The following TIFA variants were observed in gnomAD, a reference collection of about 807,000 sequenced individuals.
TIFA encodes TRAF-interacting protein with FHA domain-containing protein A.
For synonymous variants in TIFA, 75 were observed against 79.2 expected, an observed-to-expected ratio of 0.95 and a Z score of 0.28; for missense variants, 186 against 215.2, an observed-to-expected ratio of 0.86 and a Z score of 0.85.
chr4:112,277,694 T>TAAA lies in TIFA; in HGVS notation c.*167_*168insTTT. Reference sequence around the variant, plus strand: ...ATCCAGAATACAACAGGTGACTAAGTTAATGACTAACACAATTTACAGACT... The same window carrying TAAA: ...ATCCAGAATACAACAGGTGACTAAGTAAATAATGACTAACACAATTTACAGACT... On this transcript the variant is annotated 3_prime_UTR_variant, in exon 2 of 2. Coordinates refer to ENST00000361717, the MANE Select transcript of TIFA (RefSeq NM_052864.3). 1.9e-5 allele frequency: 9 copies of TAAA among 482,998 alleles called. No homozygotes were observed. Among genetic ancestry groups the TAAA allele is most frequent in the South Asian group, 1.7e-4 (3 of 18,000 alleles). The allele number at this position is 482,998 out of a possible 1,614,324, so 29.9% of individuals were successfully genotyped here.
At position 112,275,805 on chromosome 4, in the gene TIFA, T is replaced by C. The variant is rs560639031; in HGVS notation, c.*2057A>G. ...ATTAAATTTATAACTTAGAAACACA[T>C]TCATCAGCCTCAAAGACAAGAAACA... On this transcript the variant is annotated 3_prime_UTR_variant, in exon 2 of 2. Transcript: ENST00000361717. 1 of 152,258 alleles carries C rather than the reference T, an allele frequency of 6.6e-6. No individual in the cohort carries two copies. Among genetic ancestry groups the C allele is most frequent in the African/African-American group, 2.4e-5 (1 of 41,560 alleles). 9.4% of individuals were successfully genotyped at this position (152,258 alleles called of 1,614,324 possible).
intron 1 of TIFA, among the ~76,000 whole-genome samples, chr4:112,282,269 T>A (rs544338944): frequency 6.6e-6 from 1 of 152,254 alleles, no homozygotes; most frequent in African/African-American, 2.4e-5. Context: ...TAAATCTCTT[T>A]CCTGTATAAA....
rs1379691390 is a variant in TIFA, at chr4:112,277,220, G to T, written c.*642C>A. 6.6e-6 allele frequency: 1 copy of T among 152,146 alleles called. No individual in the cohort carries two copies. The highest frequency in any genetic ancestry group is 1.5e-5 in the Non-Finnish European group (1 of 68,028). The allele number at this position is 152,146 out of a possible 1,614,324, so 9.4% of individuals were successfully genotyped here. ...AAATAATCCTAAACTTAACACAGTG[G>T]TTCTTTAAAATGTTTAAATATTTGT... On this transcript the variant is annotated 3_prime_UTR_variant, in exon 2 of 2. Coordinates refer to ENST00000361717, the MANE Select transcript of TIFA (RefSeq NM_052864.3).
At chr4:112,284,279 C>T (rs1183374075) in intron 1 of TIFA, among the ~76,000 whole-genome samples, 3 of 132,090 alleles carry the variant, frequency 2.3e-5, no homozygotes, top group Non-Finnish European at 4.7e-5. Context: ...CTGCTACCCT[C>T]CCTGCAACAC....
chr4:112,282,632 G>C (rs1376116924), intron 1 of TIFA, among the ~76,000 whole-genome samples: 1 of 152,130 alleles, frequency 6.6e-6, no homozygotes, highest in African/African-American at 2.4e-5. Context: ...ACCAAAGCAT[G>C]TCCCCACAGA....
In TIFA at chr4:112,276,445, A is replaced by T. The variant is rs1727114482; in HGVS notation, c.*1417T>A. 6.5e-6 allele frequency: 1 copy of T among 153,002 alleles called. No individual in the cohort carries two copies. Among genetic ancestry groups the T allele is most frequent in the African/African-American group, 2.4e-5 (1 of 41,466 alleles). The allele number at this position is 153,002 out of a possible 1,614,324, so 9.5% of individuals were successfully genotyped here. A position where few individuals can be genotyped will look rare whatever the true frequency, so the allele number is the denominator to read the frequency against. ...TGCAGCCTTCATTCCCCTTTGCCAC[A>T]TAACAACACAGTTACAAGTTCTGGA... On this transcript the variant is annotated 3_prime_UTR_variant, in exon 2 of 2. Transcript: ENST00000361717.
At chr4:112,285,607 C>A (rs1419359425) in intron 1 of TIFA, 33 bp downstream of exon 1, 2 of 152,302 alleles carry the variant, frequency 1.3e-5, no homozygotes, top group African/African-American at 2.4e-5. Flanking sequence ...GGCCAGTCCC[C>A]ACCTCACCCC....
rs144770459 is a variant in TIFA at position 112,276,010 on chromosome 4, G to A, written c.*1852C>T. On this transcript the variant is annotated 3_prime_UTR_variant, in exon 2 of 2. Transcript: ENST00000361717. ...AAAATCCTAGAAAGAATCAATAGTAGATAACCTTATATTAAAGGGAGTATA... is the reference window on the plus strand; with the variant it reads ...AAAATCCTAGAAAGAATCAATAGTAAATAACCTTATATTAAAGGGAGTATA... 3.6e-3 allele frequency: 550 copies of A among 152,258 alleles called. No homozygotes were observed. Among genetic ancestry groups the A allele is most frequent in the African/African-American group, 0.012 (502 of 41,540 alleles). 9.4% of individuals were successfully genotyped at this position (152,258 alleles called of 1,614,324 possible). A position where few individuals can be genotyped will look rare whatever the true frequency, so the allele number is the denominator to read the frequency against.
At chr4:112,285,375 AAGTACAG>A in intron 1 of TIFA, 1 of 152,274 alleles carries the variant, frequency 6.6e-6, no homozygotes, top group South Asian at 2.1e-4. Context: ...AAGAATACCA[AAGTACAG>A]AGAAAACACA....
intron 1 of TIFA, among the ~76,000 whole-genome samples, chr4:112,284,382 G>C (rs995708794): frequency 6.6e-6 from 1 of 152,046 alleles, no homozygotes; most frequent in Non-Finnish European, 1.5e-5. Context: ...TTGCCAAAGG[G>C]TGTTCGGCCT....
intron 1 of TIFA, among the ~76,000 whole-genome samples, chr4:112,279,917 C>T (rs1727193035): frequency 1.3e-5 from 2 of 152,164 alleles, no homozygotes; most frequent in South Asian, 4.1e-4. Flanking sequence ...ATTCACCCGC[C>T]TCGCCCTCCC....
Position 112,277,676 on chromosome 4 carries a change from A to AGCCG in TIFA, c.*185_*186insCGGC. 2.7e-6 allele frequency: 1 copy of AGCCG among 374,496 alleles called. No individual in the cohort carries two copies. The highest frequency in any genetic ancestry group is 4.4e-6 in the Non-Finnish European group (1 of 225,672). The allele number at this position is 374,496 out of a possible 1,614,324, so 23.2% of individuals were successfully genotyped here. On this transcript the variant is annotated 3_prime_UTR_variant, in exon 2 of 2. Transcript: ENST00000361717. ...TAAAATAATTTTGTGTAGATCCAGA[A>AGCCG]TACAACAGGTGACTAAGTTAATGAC...
intron 1 of TIFA, among the ~76,000 whole-genome samples, chr4:112,279,028 T>C (rs1166894833): frequency 6.6e-6 from 1 of 152,258 alleles, no homozygotes; most frequent in Non-Finnish European, 1.5e-5. Flanking sequence ...AAATAGTAAA[T>C]GCTTTAAATG....
At position 112,277,671 on chromosome 4, in the gene TIFA, C is replaced by CTCGGTTGCCG; in HGVS notation, c.*190_*191insCGGCAACCGA. 2.4e-6 allele frequency: 1 copy of CTCGGTTGCCG among 409,578 alleles called. No individual in the cohort carries two copies. Among genetic ancestry groups the CTCGGTTGCCG allele is most frequent in the Non-Finnish European group, 4.2e-6 (1 of 240,734 alleles). The allele number at this position is 409,578 out of a possible 1,614,324, so 25.4% of individuals were successfully genotyped here. ...GCAGTTAAAATAATTTTGTGTAGAT[C>CTCGGTTGCCG]CAGAATACAACAGGTGACTAAGTTA... On this transcript the variant is annotated 3_prime_UTR_variant, in exon 2 of 2. Transcript: ENST00000361717.
intron 1 of TIFA, among the ~76,000 whole-genome samples, chr4:112,280,050 A>G (rs1185256398): frequency 1.3e-5 from 2 of 152,124 alleles, no homozygotes; most frequent in East Asian, 3.9e-4. Context: ...TAACAGCTGC[A>G]CAGAATTCTG....
At chr4:112,279,286 G>A (rs1048707615) in intron 1 of TIFA, among the ~76,000 whole-genome samples, 2 of 152,182 alleles carry the variant, frequency 1.3e-5, no homozygotes, top group African/African-American at 4.8e-5. Flanking sequence ...TATATCTTTG[G>A]TAATTAGTAC....
intron 1 of TIFA, among the ~76,000 whole-genome samples, chr4:112,279,616 A>T (rs2110505932): frequency 6.6e-6 from 1 of 152,250 alleles, no homozygotes; most frequent in South Asian, 2.1e-4. Flanking sequence ...CCACAGAGAA[A>T]AAAATTTCTT....
intron 1 of TIFA, among the ~76,000 whole-genome samples, chr4:112,283,246 C>T (rs1033567650): frequency 1.3e-5 from 2 of 152,210 alleles, no homozygotes; most frequent in South Asian, 2.1e-4. Flanking sequence ...GTGTGGGCTA[C>T]AACCAGCAAG....
chr4:112,278,087 G>A lies in TIFA; in HGVS notation c.330C>T (p.Asp110=). 6.2e-7 allele frequency: 1 copy of A among 1,613,906 alleles called. No individual in the cohort carries two copies. Among genetic ancestry groups the A allele is most frequent in the Non-Finnish European group, 8.5e-7 (1 of 1,179,990 alleles). ...SRELGYLNKM[D]LPYRCMVRFG... is the part of the protein sequence containing the mutation. ...ATCTGACCATGCACCTGTATGGCAG[G>A]TCCATTTTATTTAGGTAGCCCAGCT... Residue 110 remains aspartate (D), a synonymous_variant, in exon 2 of 2, where the codon GAC becomes GAT. Coordinates refer to ENST00000361717, the MANE Select transcript of TIFA (RefSeq NM_052864.3).
Sources: gnomAD v4.1 joint callset for allele counts (sites outside exome capture counted in the v4.1 genomes callset) on GRCh38, gnomAD v4.1.1 for gene constraint, MANE v1.5 for transcripts, NCBI Gene and HGNC (gene_info 2026-07-23, HGNC 2026-07-21) for gene names.